The following ZFPM2 variants were observed in gnomAD, a reference collection of about 807,000 sequenced individuals.
ZFPM2 encodes zinc finger protein, FOG family member 2, also known as zinc finger protein ZFPM2.
A neutral mutation model predicts 98.6 loss-of-function variants in ZFPM2; 20 were observed. The observed-to-expected ratio is 0.20, with a 90% confidence interval of 0.14 to 0.29. The LOEUF is 0.29. ZFPM2 is among the 10% of genes least tolerant of loss of function. The pLI, the probability that ZFPM2 is intolerant of heterozygous loss-of-function variation, is 1.00. For synonymous variants in ZFPM2, 518 were observed against 502.7 expected, an observed-to-expected ratio of 1.03 and a Z score of -0.41; for missense variants, 1,310 against 1,388.6, an observed-to-expected ratio of 0.94 and a Z score of 0.90.
At position 105,697,507 on chromosome 8, in the gene ZFPM2, A is replaced by C. The variant is rs150298807; in HGVS notation, c.532+63150A>C. ...TCAATTGCTATGAGGAGCAAACAGC[A>C]TCAAGAAGTGTAGTAATTTAGCCAG... is the stretch of plus-strand genomic sequence containing the variant. On this transcript the variant is annotated intron_variant, in intron 5 of 7. Coordinates refer to ENST00000407775, the MANE Select transcript of ZFPM2 (RefSeq NM_012082.4). 1.7e-4 allele frequency among the ~76,000 whole-genome samples: 26 copies of C among 152,336 alleles called. 1 individual carries two copies. In the East Asian group the frequency reaches 5.0e-3, roughly 29 times the overall value.
At chr8:105,698,043 A>G (rs191348177) in intron 5 of ZFPM2, among the ~76,000 whole-genome samples, 2 of 152,336 alleles carry the variant, frequency 1.3e-5, no homozygotes, top group East Asian at 3.9e-4. Context: ...CCTAAAATAT[A>G]TGTATTTTCC....
rs938369542 is a variant in ZFPM2 at position 105,696,886 on chromosome 8, G to C, written c.532+62529G>C. Among the ~76,000 whole-genome samples, 3 of 152,222 alleles carry C rather than the reference G, an allele frequency of 2.0e-5. No individual in the cohort carries two copies. The East Asian group carries it at 5.8e-4, about 29-fold the overall frequency. The stretch of plus-strand genomic sequence containing the variant: ...AGCTCACCTGAATCTGTTTGAAACT[G>C]ATAATCTCTAAATATAAATCAGATA... On this transcript the variant is annotated intron_variant, in intron 5 of 7. Transcript: ENST00000407775.
chr8:105,476,107 A>G (rs553915411), intron 3 of ZFPM2, among the ~76,000 whole-genome samples: 2 of 152,278 alleles, frequency 1.3e-5, no homozygotes, highest in Admixed American at 1.3e-4. Flanking sequence ...ACGAACTACT[A>G]TTTGGTAGTG....
intron 1 of ZFPM2, among the ~76,000 whole-genome samples, chr8:105,363,426 GT>G (rs1300199263): frequency 6.6e-6 from 1 of 152,056 alleles, no homozygotes; most frequent in Non-Finnish European, 1.5e-5. Flanking sequence ...GTAAGCTTTA[GT>G]TTTTTAATTT....
intron 1 of ZFPM2, among the ~76,000 whole-genome samples, chr8:105,333,800 A>AG (rs1314361561): frequency 6.6e-6 from 1 of 151,714 alleles, no homozygotes; most frequent in East Asian, 1.9e-4. Context: ...AAATGAAAAA[A>AG]AATCAGTATG....
chr8:105,803,638 A>G lies in ZFPM2; in HGVS notation c.*100A>G. ...CTGTTTGAATTACATCTGGGCAATC[A>G]GGAGATAATTCATTATGGCTGAGTT... On this transcript the variant is annotated 3_prime_UTR_variant, in exon 8 of 8. Transcript: ENST00000407775. The G allele has an allele frequency of 8.4e-7, 1 of 1,190,066 alleles. No homozygotes were observed. The highest frequency in any genetic ancestry group is 1.2e-6 in the Non-Finnish European group (1 of 835,866). 73.7% of individuals were successfully genotyped at this position (1,190,066 alleles called of 1,614,324 possible). A position where few individuals can be genotyped will look rare whatever the true frequency, so the allele number is the denominator to read the frequency against.
At chr8:105,517,816 C>T (rs1008518909) in intron 3 of ZFPM2, among the ~76,000 whole-genome samples, 4 of 151,878 alleles carry the variant, frequency 2.6e-5, no homozygotes, top group South Asian at 2.1e-4. Flanking sequence ...ATCACATGAG[C>T]GCTGAGGATC....
At chr8:105,595,150 T>C (rs971188675) in intron 4 of ZFPM2, among the ~76,000 whole-genome samples, 4 of 152,102 alleles carry the variant, frequency 2.6e-5, no homozygotes, top group African/African-American at 9.7e-5. Context: ...TAGAAACCAT[T>C]GTACAGTCTT....
chr8:105,681,092 A>C (rs1810589669), intron 5 of ZFPM2, among the ~76,000 whole-genome samples: 1 of 152,210 alleles, frequency 6.6e-6, no homozygotes, highest in Non-Finnish European at 1.5e-5. Context: ...CAAATCATTA[A>C]ATAGGTATGA....
rs544771464 is a variant in ZFPM2, at chr8:105,355,710, A to G, written c.40+36729A>G. ...CTCACAAGCCCATTCATGTATTGCC[A>G]TTTATATTTGTATATGTAGGGAATA... is the stretch of plus-strand genomic sequence containing the variant. On this transcript the variant is annotated intron_variant, in intron 1 of 7. Transcript: ENST00000407775. 1.4e-4 allele frequency among the ~76,000 whole-genome samples: 22 copies of G among 152,316 alleles called. No homozygotes were observed. In the East Asian group the frequency reaches 4.0e-3, roughly 28 times the overall value.
chr8:105,705,206 T>C (rs1239876232), intron 5 of ZFPM2, among the ~76,000 whole-genome samples: 1 of 152,134 alleles, frequency 6.6e-6, no homozygotes, highest in East Asian at 1.9e-4. Context: ...TGTGAAGATA[T>C]TTAATTTAAT....
chr8:105,555,444 G>A (rs1814964571), intron 3 of ZFPM2, among the ~76,000 whole-genome samples: 1 of 152,012 alleles, frequency 6.6e-6, no homozygotes, highest in African/African-American at 2.4e-5. Context: ...CACATATTAA[G>A]ACAACTCTCT....
At chr8:105,585,175 T>C (rs569120512) in intron 4 of ZFPM2, among the ~76,000 whole-genome samples, 6 of 152,340 alleles carry the variant, frequency 3.9e-5, no homozygotes, top group African/African-American at 1.2e-4. Context: ...TAAAAAGACC[T>C]TAGTGTTCCC....
chr8:105,487,180 A>G (rs577451679), intron 3 of ZFPM2, among the ~76,000 whole-genome samples: 1 of 152,232 alleles, frequency 6.6e-6, no homozygotes, highest in African/African-American at 2.4e-5. Flanking sequence ...TGGTGCAATC[A>G]TGGCTCACTG....
chr8:105,530,265 T>C (rs1271912692), intron 3 of ZFPM2, among the ~76,000 whole-genome samples: 2 of 152,064 alleles, frequency 1.3e-5, no homozygotes, highest in Non-Finnish European at 2.9e-5. Context: ...ACTTTCATAA[T>C]CTTTATGAAA....
At chr8:105,683,634 C>G (rs16873490) in intron 5 of ZFPM2, among the ~76,000 whole-genome samples, 33,131 of 152,010 alleles carry the variant, frequency 0.22, 5,234 homozygotes, top group African/African-American at 0.45. Flanking sequence ...ATTATGTCCA[C>G]GCTAACCAAA....
chr8:105,704,266 A>G (rs371657317), intron 5 of ZFPM2, among the ~76,000 whole-genome samples: 1 of 152,198 alleles, frequency 6.6e-6, no homozygotes, highest in Non-Finnish European at 1.5e-5. Flanking sequence ...CTTTACATAT[A>G]TTGGACTACT....
At position 105,701,481 on chromosome 8, in the gene ZFPM2, A is replaced by G. The variant is rs140728215; in HGVS notation, c.532+67124A>G. Among the ~76,000 whole-genome samples the G allele has an allele frequency of 2.0e-5, 3 of 152,318 alleles. No homozygotes were observed. The East Asian group carries it at 5.8e-4, about 29-fold the overall frequency. On this transcript the variant is annotated intron_variant, in intron 5 of 7. Transcript: ENST00000407775. Reference sequence around the variant, plus strand: ...ATGGAAAGTAAACTTACTATTCTGTATAAAGCAATCTTGTATAATCAAGCA... The same window carrying G: ...ATGGAAAGTAAACTTACTATTCTGTGTAAAGCAATCTTGTATAATCAAGCA...
intron 3 of ZFPM2, among the ~76,000 whole-genome samples, chr8:105,543,996 A>G (rs1180383518): frequency 2.0e-5 from 3 of 152,144 alleles, no homozygotes; most frequent in Non-Finnish European, 4.4e-5. Context: ...GAACAATTCT[A>G]ACTGAAGATG....
Sources: allele counts gnomAD v4.1 joint callset (sites outside exome capture counted in the v4.1 genomes callset), GRCh38; gene constraint gnomAD v4.1.1; transcripts MANE v1.5; gene names NCBI Gene and HGNC (gene_info 2026-07-23, HGNC 2026-07-21).